The following MTDH variants were observed in gnomAD, a reference collection of about 807,000 sequenced individuals.
The protein encoded by MTDH is metadherin.
Under a neutral mutation model 72.7 loss-of-function variants are expected in MTDH, and 34 were observed. The ratio of observed to expected loss-of-function variants is 0.47; its 90% CI spans 0.36 to 0.62. The LOEUF (loss-of-function observed/expected upper bound fraction) is 0.62, where lower values mean the gene tolerates loss of function less well. Ranked by LOEUF, MTDH falls within the 20% of genes least tolerant of loss-of-function variation. The probability of loss-of-function intolerance (pLI) is 0.00; values close to 1 mark genes in which losing one functional copy is unlikely to be tolerated. For missense variants in MTDH, 677 were observed against 699.4 expected (o/e 0.97, Z 0.36); for synonymous variants, 266 against 268.9 (o/e 0.99, Z 0.10).
At chr8:97,676,889 C>T (rs559564106) in intron 2 of MTDH, among the ~76,000 whole-genome samples, 2 of 151,434 alleles carry the variant, frequency 1.3e-5, no homozygotes, top group African/African-American at 4.8e-5. Flanking sequence ...CCCGTAGTCC[C>T]AGCTACTCAG....
At chr8:97,706,473 C>A in intron 7 of MTDH, 153 bp from the exon 8 acceptor site, 1 of 536,682 alleles carries the variant, frequency 1.9e-6, no homozygotes, top group Non-Finnish European at 3.0e-6. Context: ...TTGTTACCTT[C>A]ATGTTATTTT....
intron 6 of MTDH, among the ~76,000 whole-genome samples, chr8:97,698,151 G>C (rs1813947853): frequency 6.6e-6 from 1 of 152,180 alleles, no homozygotes; most frequent in South Asian, 2.1e-4. Flanking sequence ...ACTCACGTGG[G>C]AGGACGTGAT....
intron 6 of MTDH, among the ~76,000 whole-genome samples, chr8:97,693,402 C>G (rs1301242773): frequency 6.6e-6 from 1 of 151,932 alleles, no homozygotes; most frequent in Non-Finnish European, 1.5e-5. Context: ...AGTGCAATCT[C>G]AGCTCACTGC....
chr8:97,656,830 T>C (rs1050181429), intron 1 of MTDH, among the ~76,000 whole-genome samples: 9 of 151,560 alleles, frequency 5.9e-5, no homozygotes, highest in African/African-American at 2.2e-4. Context: ...CGGAACCCGC[T>C]CTCTACTAAA....
At chr8:97,655,746 G>A (rs1251631605) in intron 1 of MTDH, among the ~76,000 whole-genome samples, 1 of 152,138 alleles carries the variant, frequency 6.6e-6, no homozygotes, top group Non-Finnish European at 1.5e-5. Context: ...GAGCCCAGGA[G>A]TTCAAGACCA....
In MTDH at chr8:97,722,926, C is replaced by T. The variant is rs752089680; in HGVS notation, c.1569C>T (p.Ile523=). ...PPATSTEPSV[I]LSKSDSDKSS... ...CTACTTCTACCGAGCCATCTGTAAT[C>T]TTATCAAAAAGTGATTCTGACAAGA... The change falls in exon 11 of 12, where the codon ATC becomes ATT. Residue 523 remains isoleucine (I), a synonymous_variant. Coordinates refer to ENST00000336273, the MANE Select transcript of MTDH (RefSeq NM_178812.4). The T allele has an allele frequency of 2.5e-6, 4 of 1,614,096 alleles. No homozygotes were observed. In the South Asian group the frequency reaches 4.4e-5, roughly 18 times the overall value.
At chr8:97,656,546 C>T (rs201782269) in intron 1 of MTDH, among the ~76,000 whole-genome samples, 1 of 151,558 alleles carries the variant, frequency 6.6e-6, no homozygotes, top group Non-Finnish European at 1.5e-5. Context: ...CATGATCTGC[C>T]TGCCTCAGCC....
chr8:97,673,269 C>T (rs1260044217), intron 2 of MTDH, among the ~76,000 whole-genome samples: 1 of 152,034 alleles, frequency 6.6e-6, no homozygotes, highest in Non-Finnish European at 1.5e-5. Context: ...ATCTGTAATC[C>T]CAGCACTTCA....
At chr8:97,651,832 A>G (rs1222367196) in intron 1 of MTDH, among the ~76,000 whole-genome samples, 2 of 152,134 alleles carry the variant, frequency 1.3e-5, no homozygotes, top group African/African-American at 4.8e-5. Flanking sequence ...TAACATCTCC[A>G]AAACAGAACC....
intron 7 of MTDH, among the ~76,000 whole-genome samples, chr8:97,701,664 A>G (rs1332754019): frequency 6.6e-6 from 1 of 152,202 alleles, no homozygotes; most frequent in African/African-American, 2.4e-5. Flanking sequence ...TATAACAATG[A>G]TAGGAGTGAC....
rs1260371247 is a variant in MTDH, at chr8:97,713,687, G to A, written c.1298G>A (p.Gly433Glu). 1 of 1,604,856 alleles carries A rather than the reference G, an allele frequency of 6.2e-7. No homozygotes were observed. The highest frequency in any genetic ancestry group is 8.5e-7 in the Non-Finnish European group (1 of 1,176,882). ...GTCTCAGATGATGATAAAGAAAAGG[G>A]AGAGGGAGCTCTTCCAACTGGGAAA... ...QKVSDDDKEK[G>E]EGALPTGKSK... Residue 433 changes from glycine to glutamate, a missense_variant, in exon 9 of 12, where the codon GGA becomes GAA. This residue lies in a region of MTDH where 201 missense variants were observed against 204.5 expected (regional missense o/e 0.98). Transcript: ENST00000336273.
At chr8:97,698,910 A>T (rs1234903797) in intron 6 of MTDH, among the ~76,000 whole-genome samples, 1 of 152,196 alleles carries the variant, frequency 6.6e-6, no homozygotes, top group African/African-American at 2.4e-5. Context: ...TGGGAGGCAG[A>T]GGAGGATCCC....
chr8:97,678,177 A>G (rs940443860), intron 2 of MTDH, among the ~76,000 whole-genome samples: 3 of 152,338 alleles, frequency 2.0e-5, no homozygotes, highest in South Asian at 2.1e-4. Flanking sequence ...GTGAGCAATT[A>G]AAGAGATATC....
chr8:97,691,704 T>G (rs79593148), intron 6 of MTDH, among the ~76,000 whole-genome samples: 1 of 100,658 alleles, frequency 9.9e-6, no homozygotes, highest in South Asian at 2.7e-4. Flanking sequence ...TGTGTGTGTT[T>G]GTGTGTGTGT....
intron 2 of MTDH, among the ~76,000 whole-genome samples, chr8:97,666,655 A>G (rs557881780): frequency 6.6e-6 from 1 of 152,318 alleles, no homozygotes; most frequent in African/African-American, 2.4e-5. Context: ...CTGGCTCCTT[A>G]TCATGAACCA....
intron 7 of MTDH, 25 bp downstream of exon 7, chr8:97,699,877 TTA>T: frequency 6.6e-7 from 1 of 1,508,010 alleles, no homozygotes. Flanking sequence ...AAATTATCAG[TTA>T]TTTTTTTTCA....
intron 8 of MTDH, among the ~76,000 whole-genome samples, chr8:97,712,315 G>C (rs1242385811): frequency 6.6e-6 from 1 of 152,184 alleles, no homozygotes; most frequent in South Asian, 2.1e-4. Context: ...GGGATTGCAG[G>C]CTTCAGCCAC....
chr8:97,648,054 A>G (rs568872608), intron 1 of MTDH, among the ~76,000 whole-genome samples: 1 of 152,106 alleles, frequency 6.6e-6, no homozygotes, highest in Non-Finnish European at 1.5e-5. Context: ...CCTGTTTTCA[A>G]ATTTTTCATT....
chr8:97,651,874 A>G lies in MTDH; in HGVS notation c.381+6987A>G, dbSNP rs373903094. Among the ~76,000 whole-genome samples, 6 of 152,154 alleles carry G rather than the reference A, an allele frequency of 3.9e-5. No individual in the cohort carries two copies. In the East Asian group the frequency reaches 5.8e-4, roughly 15 times the overall value. The stretch of plus-strand genomic sequence containing the variant: ...TTCTTGCCTTCTCCCAGTCTTCCCT[A>G]TTTCTGTAAGTGGTAAATTACTCTA... On this transcript the variant is annotated intron_variant, in intron 1 of 11. Coordinates refer to ENST00000336273, the MANE Select transcript of MTDH (RefSeq NM_178812.4).
Sources: allele counts gnomAD v4.1 joint callset (sites outside exome capture counted in the v4.1 genomes callset), GRCh38; gene constraint gnomAD v4.1.1; regional missense constraint gnomAD v4.1.1; transcripts MANE v1.5; gene names NCBI Gene and HGNC (gene_info 2026-07-23, HGNC 2026-07-21).